CCDC149: variants seen among roughly 807,000 people sequenced by gnomAD.
CCDC149 encodes the protein coiled-coil domain-containing protein 149.
A neutral mutation model predicts 59.9 loss-of-function variants in CCDC149; 45 were observed. The ratio of observed to expected loss-of-function variants is 0.75; its 90% CI spans 0.59 to 0.96. The LOEUF (loss-of-function observed/expected upper bound fraction) is 0.96. Ranked by LOEUF, CCDC149 falls within the 40% of genes least tolerant of loss-of-function variation. The probability of loss-of-function intolerance (pLI) is 0.00; values close to 1 mark genes in which losing one functional copy is unlikely to be tolerated. For missense variants in CCDC149, 584 were observed against 664.7 expected, an observed-to-expected ratio of 0.88 and a Z score of 1.33; for synonymous variants, 245 against 260.6, an observed-to-expected ratio of 0.94 and a Z score of 0.58.
At chr4:24,943,460 A>C (rs1213407802) in intron 1 of CCDC149, among the ~76,000 whole-genome samples, 3 of 152,044 alleles carry the variant, frequency 2.0e-5, no homozygotes, top group Admixed American at 2.0e-4. Context: ...AACCATAAAA[A>C]CCCTAGAAGA....
Position 24,836,505 on chromosome 4 carries a change from G to A in CCDC149, c.666C>T (p.Tyr222=). The change falls in exon 7 of 13, where the codon TAC becomes TAT. Residue 222 remains tyrosine (Y), a synonymous_variant. Transcript: ENST00000635206. ...GGAGTTGCTTTAATCTCTCTTGAAGGTACCTGAAAAAGAATACATAAAACT... is the reference window on the plus strand; with the variant it reads ...GGAGTTGCTTTAATCTCTCTTGAAGATACCTGAAAAAGAATACATAAAACT... The A allele has an allele frequency of 1.9e-6, 3 of 1,603,262 alleles. No individual in the cohort carries two copies. Among genetic ancestry groups the A allele is most frequent in the South Asian group, 1.1e-5 (1 of 90,392 alleles).
At chr4:24,832,523 T>C (rs16867749) in intron 8 of CCDC149, among the ~76,000 whole-genome samples, 4,851 of 152,246 alleles carry the variant, frequency 0.032, 262 homozygotes, top group African/African-American at 0.11. Flanking sequence ...CTGAGACCCA[T>C]ATGAGAGAGA....
intron 12 of CCDC149, among the ~76,000 whole-genome samples, chr4:24,819,561 A>G (rs1333165766): frequency 6.6e-6 from 1 of 151,978 alleles, no homozygotes; most frequent in East Asian, 1.9e-4. Flanking sequence ...GCTCAGGTGA[A>G]ACACCCACAT....
chr4:24,925,138 C>T (rs777463414), intron 1 of CCDC149, among the ~76,000 whole-genome samples: 10 of 152,156 alleles, frequency 6.6e-5, no homozygotes, highest in Non-Finnish European at 1.3e-4. Context: ...GTCCCTTATG[C>T]CAGCAGCATG....
chr4:24,977,030 G>A (rs1316425940), intron 1 of CCDC149, among the ~76,000 whole-genome samples: 2 of 152,202 alleles, frequency 1.3e-5, no homozygotes, highest in Admixed American at 6.5e-5. Context: ...AGACAGGCAT[G>A]CAGGATTGGC....
At position 24,912,862 on chromosome 4, in the gene CCDC149, C is replaced by T. The variant is rs1170149344; in HGVS notation, c.18G>A (p.Met6Ile). ...AGTCGCTCTCAGTCCGGTCGCCGTT[C>T]ATGGCCTCCTCCTCCATGCGCTGGC... Residue 6 changes from methionine to isoleucine, a missense_variant, in exon 1 of 13, where the codon ATG becomes ATA. Physicochemically the swap from Met to Ile is conservative, Grantham distance 10. Transcript: ENST00000635206. The T allele has an allele frequency of 7.3e-7, 1 of 1,377,912 alleles. No individual in the cohort carries two copies. The highest frequency in any genetic ancestry group is 9.5e-7 in the Non-Finnish European group (1 of 1,051,076). The allele number at this position is 1,377,912 out of a possible 1,614,324, so 85.4% of individuals were successfully genotyped here. A position where few individuals can be genotyped will look rare whatever the true frequency, so the allele number is the denominator to read the frequency against.
At chr4:24,958,370 A>G (rs1305774850) in intron 1 of CCDC149, among the ~76,000 whole-genome samples, 1 of 152,168 alleles carries the variant, frequency 6.6e-6, no homozygotes, top group Non-Finnish European at 1.5e-5. Context: ...CAGACTACCT[A>G]TCTGAAGCAC....
intron 1 of CCDC149, among the ~76,000 whole-genome samples, chr4:24,957,934 T>C (rs190807638): frequency 6.6e-6 from 1 of 152,324 alleles, no homozygotes; most frequent in Admixed American, 6.5e-5. Flanking sequence ...TCAAGTATAG[T>C]ATCTTCATAT....
In CCDC149 at chr4:24,876,858, G is replaced by T. The variant is rs138155796; in HGVS notation, c.64-161C>A. Among the ~76,000 whole-genome samples, 11 of 152,270 alleles carry T rather than the reference G, an allele frequency of 7.2e-5. No individual in the cohort carries two copies. In the East Asian group the frequency reaches 2.1e-3, roughly 29 times the overall value. ...TTTCAGCAAATGACATGTACTTCAG[G>T]CTTCTACAGCGCTAACATGCAGTGC... On this transcript the variant is annotated intron_variant, in intron 1 of 12. Coordinates refer to ENST00000635206, the MANE Select transcript of CCDC149 (RefSeq NM_001330643.2).
chr4:24,943,562 A>G (rs2109349992), intron 1 of CCDC149, among the ~76,000 whole-genome samples: 1 of 152,366 alleles, frequency 6.6e-6, no homozygotes, highest in African/African-American at 2.4e-5. Flanking sequence ...CAAAATTGAC[A>G]AATGGGATCT....
rs749956429 is a variant in CCDC149 at position 24,837,095 on chromosome 4, C to T, written c.662+133G>A. ...ATACATGGCATTGATGTCATCATTTCGGGGGAGTGAGTTTCTTTTCACTTG... is the reference window on the plus strand; with the variant it reads ...ATACATGGCATTGATGTCATCATTTTGGGGGAGTGAGTTTCTTTTCACTTG... On this transcript the variant is annotated intron_variant, in intron 6 of 12. Coordinates refer to ENST00000635206, the MANE Select transcript of CCDC149 (RefSeq NM_001330643.2). The surrounding 1 kb of genome is among the most constrained non-coding windows in gnomAD (Gnocchi z 4.3). The T allele has an allele frequency of 2.7e-5, 22 of 807,346 alleles. No homozygotes were observed. The highest frequency in any genetic ancestry group is 3.9e-5 in the Non-Finnish European group (20 of 518,676). The allele number at this position is 807,346 out of a possible 1,614,324, so 50.0% of individuals were successfully genotyped here. A position where few individuals can be genotyped will look rare whatever the true frequency, so the allele number is the denominator to read the frequency against.
rs1716630586 is a variant in CCDC149 at position 24,837,635 on chromosome 4, C to A, written c.490-235G>T. ...AGGAGAGGTGCAGCAGCTTAGAAAA[C>A]CAGAACTGAACCCTCGCCAACTTCA... On this transcript the variant is annotated intron_variant, in intron 5 of 12. Transcript: ENST00000635206. The surrounding 1 kb of genome is among the most constrained non-coding windows in gnomAD (Gnocchi z 4.3). Among the ~76,000 whole-genome samples, 1 of 152,212 alleles carries A rather than the reference C, an allele frequency of 6.6e-6. No individual in the cohort carries two copies.
chr4:24,843,187 C>T (rs1717045104), intron 4 of CCDC149, among the ~76,000 whole-genome samples: 1 of 152,198 alleles, frequency 6.6e-6, no homozygotes, highest in East Asian at 1.9e-4. Context: ...TCCCCAGTTA[C>T]AGTTGGTATA....
At chr4:24,847,462 C>T (rs1035602387) in intron 4 of CCDC149, among the ~76,000 whole-genome samples, 2 of 152,100 alleles carry the variant, frequency 1.3e-5, no homozygotes, top group African/African-American at 4.8e-5. Flanking sequence ...TTATCTACTC[C>T]CCAACTAGAA....
rs199739516 is a variant in CCDC149 at position 24,833,240 on chromosome 4, A to C, written c.821-1590T>G. ...TTTATTTTCAAAAATGAAAAAAAAA[A>C]CCCGGCTTTTTTCACTTAACAATAT... On this transcript the variant is annotated intron_variant, in intron 8 of 12. Coordinates refer to ENST00000635206, the MANE Select transcript of CCDC149 (RefSeq NM_001330643.2). Among the ~76,000 whole-genome samples, 472 of 152,238 alleles carry C rather than the reference A, an allele frequency of 3.1e-3. 3 individuals are homozygous for C. The highest frequency in any genetic ancestry group is 0.01 in the African/African-American group (433 of 41,526).
At chr4:24,878,818 G>A (rs1278610405) in intron 1 of CCDC149, among the ~76,000 whole-genome samples, 1 of 152,230 alleles carries the variant, frequency 6.6e-6, no homozygotes, top group Non-Finnish European at 1.5e-5. Context: ...AAGGGCCGCT[G>A]CTGACTGTCA....
chr4:24,893,964 A>T (rs1720694190), intron 1 of CCDC149, among the ~76,000 whole-genome samples: 1 of 152,138 alleles, frequency 6.6e-6, no homozygotes, highest in Admixed American at 6.6e-5. Context: ...TGGTCCACTC[A>T]TTCACTCATT....
chr4:24,921,123 G>T (rs371182172), intron 1 of CCDC149, among the ~76,000 whole-genome samples: 2 of 152,184 alleles, frequency 1.3e-5, no homozygotes, highest in Admixed American at 6.5e-5. Context: ...ATAAATGTTT[G>T]TTGAGCTCAA....
At chr4:24,836,566 T>C (rs1716540317) in intron 6 of CCDC149, 58 bp from the exon 7 acceptor site, 1 of 1,207,592 alleles carries the variant, frequency 8.3e-7, no homozygotes. Flanking sequence ...AAACACACAC[T>C]GAAGTATAAG....
Sources: allele counts gnomAD v4.1 joint callset (sites outside exome capture counted in the v4.1 genomes callset), GRCh38; gene constraint gnomAD v4.1.1; non-coding constraint Gnocchi (gnomAD v3.1); transcripts MANE v1.5; gene names NCBI Gene and HGNC (gene_info 2026-07-23, HGNC 2026-07-21).